HIBADH: variants seen among roughly 807,000 people sequenced by gnomAD.
The protein encoded by HIBADH is 3-hydroxyisobutyrate dehydrogenase, also known as 3-hydroxyisobutyrate dehydrogenase, mitochondrial.
A neutral mutation model predicts 36.1 loss-of-function variants in HIBADH; 25 were observed. The ratio of observed to expected loss-of-function variants is 0.69; its 90% CI spans 0.50 to 0.97. The LOEUF (loss-of-function observed/expected upper bound fraction) is 0.97. Ranked by LOEUF, HIBADH falls within the 50% of genes least tolerant of loss-of-function variation. HIBADH has a pLI of 0.00. For missense variants in HIBADH, 421 were observed against 418.0 expected (o/e 1.01, Z -0.06); for synonymous variants, 160 against 149.5 (o/e 1.07, Z -0.51).
intron 4 of HIBADH, among the ~76,000 whole-genome samples, chr7:27,549,038 A>C (rs1784277416): frequency 6.6e-6 from 1 of 152,180 alleles, no homozygotes; most frequent in South Asian, 2.1e-4. Context: ...CTGAGCAAGT[A>C]ATCTGGTATG....
At chr7:27,644,098 A>C (rs1786012225) in intron 2 of HIBADH, among the ~76,000 whole-genome samples, 1 of 152,178 alleles carries the variant, frequency 6.6e-6, no homozygotes. Context: ...ACCCATTTAA[A>C]GTATACCAAA....
At chr7:27,529,809 G>C (rs1358701733) in intron 7 of HIBADH, among the ~76,000 whole-genome samples, 1 of 152,196 alleles carries the variant, frequency 6.6e-6, no homozygotes, top group Non-Finnish European at 1.5e-5. Flanking sequence ...TTCTGTGAAA[G>C]GATGAGTAAA....
At chr7:27,574,945 G>C (rs1278596498) in intron 4 of HIBADH, among the ~76,000 whole-genome samples, 1 of 152,140 alleles carries the variant, frequency 6.6e-6, no homozygotes, top group African/African-American at 2.4e-5. Context: ...TTATAAAGCA[G>C]GTAATCGAGA....
intron 4 of HIBADH, among the ~76,000 whole-genome samples, 169 bp downstream of exon 4, chr7:27,629,202 T>G (rs1238904228): frequency 6.6e-6 from 1 of 152,130 alleles, no homozygotes; most frequent in Non-Finnish European, 1.5e-5. Flanking sequence ...CAATGTTAGT[T>G]ATTTAGACTT....
At chr7:27,582,990 T>C (rs1259372199) in intron 4 of HIBADH, among the ~76,000 whole-genome samples, 3 of 152,118 alleles carry the variant, frequency 2.0e-5, no homozygotes, top group African/African-American at 7.2e-5. Flanking sequence ...TCAGCAATTT[T>C]ACAAAATACC....
At chr7:27,590,044 A>G (rs2128288842) in intron 4 of HIBADH, among the ~76,000 whole-genome samples, 1 of 152,288 alleles carries the variant, frequency 6.6e-6, no homozygotes, top group Non-Finnish European at 1.5e-5. Context: ...GTCAGCCCTG[A>G]GGTTAGGATT....
chr7:27,532,150 A>C (rs759076827), intron 6 of HIBADH, among the ~76,000 whole-genome samples: 1 of 152,238 alleles, frequency 6.6e-6, no homozygotes, highest in Non-Finnish European at 1.5e-5. Context: ...CCCTAGAAAA[A>C]ATAATAGAAT....
At chr7:27,645,338 A>G (rs1786043169) in intron 2 of HIBADH, among the ~76,000 whole-genome samples, 1 of 123,682 alleles carries the variant, frequency 8.1e-6, no homozygotes, top group African/African-American at 3.0e-5. Flanking sequence ...TTTTTAATCT[A>G]GATTCTAGTG....
intron 4 of HIBADH, among the ~76,000 whole-genome samples, chr7:27,590,978 T>A (rs1232773272): frequency 6.6e-6 from 1 of 152,154 alleles, no homozygotes; most frequent in Non-Finnish European, 1.5e-5. Flanking sequence ...GGAAAAATAT[T>A]AACACTGCAA....
chr7:27,643,578 A>G (rs890408294), intron 2 of HIBADH, among the ~76,000 whole-genome samples: 1 of 152,258 alleles, frequency 6.6e-6, no homozygotes, highest in African/African-American at 2.4e-5. Context: ...ACAGATACTA[A>G]GTGGTATAGA....
intron 1 of HIBADH, among the ~76,000 whole-genome samples, chr7:27,652,022 G>C (rs1786204099): frequency 6.6e-6 from 1 of 152,168 alleles, no homozygotes; most frequent in South Asian, 2.1e-4. Context: ...GAGCCATGAA[G>C]AAATGACAGT....
intron 2 of HIBADH, among the ~76,000 whole-genome samples, chr7:27,640,867 G>A (rs1454852976): frequency 6.6e-6 from 1 of 152,064 alleles, no homozygotes; most frequent in Non-Finnish European, 1.5e-5. Context: ...CATACAAAAG[G>A]TACAGTAAAA....
chr7:27,641,655 G>A (rs570195494), intron 2 of HIBADH, among the ~76,000 whole-genome samples: 30 of 152,218 alleles, frequency 2.0e-4, no homozygotes, highest in Middle Eastern at 3.4e-3. Context: ...ATATCAGAAC[G>A]TATTCATCCA....
At chr7:27,564,994 A>C (rs1273268396) in intron 4 of HIBADH, among the ~76,000 whole-genome samples, 1 of 152,194 alleles carries the variant, frequency 6.6e-6, no homozygotes, top group Non-Finnish European at 1.5e-5. Flanking sequence ...TACCCCTCCC[A>C]GGGCTAATCA....
intron 4 of HIBADH, among the ~76,000 whole-genome samples, chr7:27,557,814 AC>A (rs1289257498): frequency 6.6e-6 from 1 of 152,220 alleles, no homozygotes; most frequent in East Asian, 1.9e-4. Context: ...AAGTATTAAC[AC>A]CTGAATTTTG....
intron 4 of HIBADH, among the ~76,000 whole-genome samples, chr7:27,585,261 G>A (rs1562631566): frequency 1.3e-5 from 2 of 150,930 alleles, no homozygotes. Flanking sequence ...ATACACACGT[G>A]TGTATGTATG....
intron 4 of HIBADH, among the ~76,000 whole-genome samples, chr7:27,618,763 G>T (rs1197882833): frequency 6.6e-6 from 1 of 152,152 alleles, no homozygotes; most frequent in African/African-American, 2.4e-5. Context: ...ACAGCTTTTG[G>T]ATAACCCTCA....
At chr7:27,572,316 C>T (rs532912704) in intron 4 of HIBADH, among the ~76,000 whole-genome samples, 10 of 152,232 alleles carry the variant, frequency 6.6e-5, no homozygotes, top group African/African-American at 2.2e-4. Flanking sequence ...ATCCAGCCAC[C>T]GGTATTTTAT....
intron 4 of HIBADH, among the ~76,000 whole-genome samples, chr7:27,552,559 A>C (rs148691825): frequency 1.3e-5 from 2 of 152,324 alleles, no homozygotes; most frequent in East Asian, 3.9e-4. Flanking sequence ...ATTATGCACA[A>C]AGCACCACTG....
Sources: allele counts gnomAD v4.1 joint callset (sites outside exome capture counted in the v4.1 genomes callset), GRCh38; gene constraint gnomAD v4.1.1; transcripts MANE v1.5; gene names NCBI Gene and HGNC (gene_info 2026-07-23, HGNC 2026-07-21).